DHRSX: variants seen among roughly 807,000 people sequenced by gnomAD.
DHRSX encodes dehydrogenase/reductase X-linked, also known as polyprenol dehydrogenase.
In DHRSX, 31 loss-of-function variants were observed where a neutral mutation model predicts 34.0. That is an observed-to-expected ratio of 0.91 (90% CI 0.69 to 1.23). DHRSX has a LOEUF of 1.23. Among genes scored for constraint, DHRSX ranks in the 50% most tolerant of loss-of-function variants. The pLI is 0.00. For missense variants in DHRSX, 414 were observed against 428.1 expected, an observed-to-expected ratio of 0.97 and a Z score of 0.29; for synonymous variants, 201 against 183.8, an observed-to-expected ratio of 1.09 and a Z score of -0.76.
At chrX:2,304,491 G>A (rs1198120283) in intron 3 of DHRSX, among the ~76,000 whole-genome samples, 1 of 152,124 alleles carries the variant, frequency 6.6e-6, no homozygotes, top group Non-Finnish European at 1.5e-5. Flanking sequence ...GGGTCACGGG[G>A]GTGGATGTCT....
chrX:2,219,506 T>C lies in DHRSX; in HGVS notation c.*1535A>G, dbSNP rs759391510. On this transcript the variant is annotated 3_prime_UTR_variant, in exon 7 of 7. Coordinates refer to ENST00000334651, the MANE Select transcript of DHRSX (RefSeq NM_145177.3). ...AAACCCATTCCCGGAGGATGAATGA[T>C]TTTTTTTTTAAAGAGGCCAAACAAT... 1 of 150,624 alleles carries C rather than the reference T, an allele frequency of 6.6e-6. No individual in the cohort carries two copies. Among genetic ancestry groups the C allele is most frequent in the South Asian group, 2.1e-4 (1 of 4,748 alleles). 9.3% of individuals were successfully genotyped at this position (150,624 alleles called of 1,614,324 possible).
At chrX:2,251,135 C>G (rs771238390) in intron 5 of DHRSX, among the ~76,000 whole-genome samples, 1 of 152,240 alleles carries the variant, frequency 6.6e-6, no homozygotes, top group East Asian at 1.9e-4. Flanking sequence ...TAGCAGAAAG[C>G]CACATGCCAA....
chrX:2,398,504 C>T (rs187710473), intron 3 of DHRSX, among the ~76,000 whole-genome samples: 3 of 152,136 alleles, frequency 2.0e-5, no homozygotes, highest in Admixed American at 1.3e-4. Context: ...CCACAACACA[C>T]CGTCATTTCT....
chrX:2,347,795 A>C (rs762450142), intron 3 of DHRSX, among the ~76,000 whole-genome samples: 4 of 152,322 alleles, frequency 2.6e-5, no homozygotes, highest in East Asian at 1.9e-4. Flanking sequence ...TTCAGTTGCC[A>C]TAATGCGGTG....
chrX:2,254,982 G>T, intron 5 of DHRSX, among the ~76,000 whole-genome samples: 1 of 128,846 alleles, frequency 7.8e-6, no homozygotes. Flanking sequence ...TTTTTTGAGA[G>T]GGAGTCTTGC....
At chrX:2,425,784 G>C (rs2043838109) in intron 1 of DHRSX, among the ~76,000 whole-genome samples, 1 of 152,214 alleles carries the variant, frequency 6.6e-6, no homozygotes, top group Admixed American at 6.5e-5. Flanking sequence ...CAGGTCCCAA[G>C]AGGAGGGGCG....
At chrX:2,309,404 A>C (rs1197785461) in intron 3 of DHRSX, among the ~76,000 whole-genome samples, 1 of 152,184 alleles carries the variant, frequency 6.6e-6, no homozygotes, top group Non-Finnish European at 1.5e-5. Context: ...TTATATATAC[A>C]GAAGAAAAAA....
At chrX:2,325,269 C>T (rs1235730458) in intron 3 of DHRSX, among the ~76,000 whole-genome samples, 5 of 151,566 alleles carry the variant, frequency 3.3e-5, no homozygotes, top group African/African-American at 9.7e-5. Flanking sequence ...TTCAAGATGG[C>T]GGCTCCATCT....
rs766060575 is a variant in DHRSX, at chrX:2,232,008, T to C, written c.805-10779A>G. Reference sequence around the variant, plus strand: ...CTATTCCTCCCTTTTTCCTCCTCCTTCATCTTCTCCTCCTTCTTCCTTCTC... The same window carrying C: ...CTATTCCTCCCTTTTTCCTCCTCCTCCATCTTCTCCTCCTTCTTCCTTCTC... On this transcript the variant is annotated intron_variant, in intron 6 of 6. Transcript: ENST00000334651. 2.1e-4 allele frequency among the ~76,000 whole-genome samples: 32 copies of C among 149,216 alleles called. No individual in the cohort carries two copies. In the East Asian group the frequency reaches 6.0e-3, roughly 28 times the overall value.
chrX:2,254,605 T>C (rs1273721767), intron 5 of DHRSX, among the ~76,000 whole-genome samples: 2 of 152,192 alleles, frequency 1.3e-5, no homozygotes, highest in Admixed American at 6.6e-5. Flanking sequence ...ACGATCCGCC[T>C]ACCAGGAACT....
intron 3 of DHRSX, among the ~76,000 whole-genome samples, chrX:2,371,345 ACC>A: frequency 7.5e-6 from 1 of 132,700 alleles, no homozygotes; most frequent in African/African-American, 3.2e-5. Context: ...TCCTTCCGTT[ACC>A]ATAGTCCCTC....
chrX:2,294,309 G>A (rs937660638), intron 3 of DHRSX, among the ~76,000 whole-genome samples: 5 of 151,886 alleles, frequency 3.3e-5, no homozygotes, highest in East Asian at 1.9e-4. Flanking sequence ...TTTAGGAGGC[G>A]AAGGCAGGCA....
chrX:2,303,236 T>C (rs2042034332), intron 3 of DHRSX, among the ~76,000 whole-genome samples: 1 of 152,174 alleles, frequency 6.6e-6, no homozygotes, highest in Non-Finnish European at 1.5e-5. Flanking sequence ...GATCACTGGC[T>C]TGCGAGGTGG....
chrX:2,409,737 G>GT (rs113435386), intron 2 of DHRSX, among the ~76,000 whole-genome samples: 6,084 of 147,564 alleles, frequency 0.041, 190 homozygotes, highest in East Asian at 0.087. Flanking sequence ...TTTTTGTTTT[G>GT]TTTTTTTTTT....
chrX:2,411,909 A>G (rs1166653822), intron 2 of DHRSX, among the ~76,000 whole-genome samples: 6 of 152,292 alleles, frequency 3.9e-5, no homozygotes, highest in African/African-American at 1.4e-4. Flanking sequence ...TGGGCAGGCC[A>G]TTTTCCATGG....
chrX:2,259,393 T>TAA (rs1288083881), intron 5 of DHRSX, among the ~76,000 whole-genome samples: 1 of 59,522 alleles, frequency 1.7e-5, no homozygotes, highest in Non-Finnish European at 3.9e-5. Context: ...TATAGATATA[T>TAA]AGATATATAT....
At chrX:2,303,280 C>A (rs2042034888) in intron 3 of DHRSX, among the ~76,000 whole-genome samples, 1 of 152,158 alleles carries the variant, frequency 6.6e-6, no homozygotes, top group Non-Finnish European at 1.5e-5. Flanking sequence ...CCACCCAAAT[C>A]TCATGTTGAA....
chrX:2,411,098 C>CA (rs1569498226), intron 2 of DHRSX, among the ~76,000 whole-genome samples: 1 of 151,682 alleles, frequency 6.6e-6, no homozygotes, highest in Non-Finnish European at 1.5e-5. Context: ...AAACACAAAA[C>CA]AAAAAAAGAA....
chrX:2,495,649 C>T (rs1209256723), intron 1 of DHRSX, among the ~76,000 whole-genome samples: 1 of 151,166 alleles, frequency 6.6e-6, no homozygotes, highest in Non-Finnish European at 1.5e-5. Context: ...CAGTGAGTAC[C>T]CTCCTTCCTC....
Sources: allele counts gnomAD v4.1 joint callset (sites outside exome capture counted in the v4.1 genomes callset), GRCh38; gene constraint gnomAD v4.1.1; transcripts MANE v1.5; gene names NCBI Gene and HGNC (gene_info 2026-07-23, HGNC 2026-07-21).